Variants in NFYC observed in about 807,000 individuals in gnomAD.
NFYC encodes the protein nuclear transcription factor Y subunit gamma, also known as CAAT box DNA-binding protein subunit C.
A neutral mutation model predicts 53.1 loss-of-function variants in NFYC; 25 were observed. That is an observed-to-expected ratio of 0.47 (90% CI 0.34 to 0.66). The LOEUF is 0.66. Ranked by LOEUF, NFYC falls within the 30% of genes least tolerant of loss-of-function variation. The probability of loss-of-function intolerance (pLI) is 0.01; values close to 1 mark genes in which losing one functional copy is unlikely to be tolerated. For missense variants in NFYC, 260 were observed against 422.7 expected (o/e 0.62, Z 3.38); for synonymous variants, 145 against 152.6 (o/e 0.95, Z 0.37).
chr1:40,766,985 C>T (rs1474541849), intron 8 of NFYC: 2 of 1,551,482 alleles, frequency 1.3e-6, no homozygotes, highest in Non-Finnish European at 1.7e-6. Flanking sequence ...GTGTGCACAC[C>T]CATCAGACCT....
chr1:40,747,847 T>G (rs1397490461), intron 3 of NFYC, among the ~76,000 whole-genome samples: 1 of 151,838 alleles, frequency 6.6e-6, no homozygotes, highest in Non-Finnish European at 1.5e-5. Flanking sequence ...TTGGGTTTTT[T>G]TTTTTTTTTT....
intron 1 of NFYC, among the ~76,000 whole-genome samples, chr1:40,702,971 C>T (rs1643513323): frequency 6.6e-6 from 1 of 152,140 alleles, no homozygotes; most frequent in African/African-American, 2.4e-5. Flanking sequence ...CATGTACCAG[C>T]ACGCCCAGCT....
At chr1:40,734,969 C>T (rs1644949885) in intron 1 of NFYC, 1 of 152,128 alleles carries the variant, frequency 6.6e-6, no homozygotes, top group African/African-American at 2.4e-5. Context: ...AAGGCCATAA[C>T]TCTAAAACCT....
chr1:40,711,400 T>A (rs1259994948), intron 1 of NFYC, among the ~76,000 whole-genome samples: 2 of 152,214 alleles, frequency 1.3e-5, no homozygotes, highest in Non-Finnish European at 2.9e-5. Context: ...ATATATATGA[T>A]TTTAAAAACA....
chr1:40,710,064 A>G (rs911621633), intron 1 of NFYC, among the ~76,000 whole-genome samples: 1 of 152,206 alleles, frequency 6.6e-6, no homozygotes, highest in African/African-American at 2.4e-5. Flanking sequence ...TACGATTTGC[A>G]CTGCTGCAGG....
intron 1 of NFYC, among the ~76,000 whole-genome samples, chr1:40,699,986 G>A (rs747832805): frequency 1.2e-4 from 19 of 152,200 alleles, no homozygotes; most frequent in Non-Finnish European, 1.8e-4. Flanking sequence ...GTCATGGACC[G>A]CTGTTTGTGA....
At position 40,728,990 on chromosome 1, in the gene NFYC, A is replaced by G. The variant is rs139493247; in HGVS notation, c.-8-9846A>G. ...ATTGTTAGTGAGCAGTAATATTTTC[A>G]AAGGAATCTTTTTTTTCTGAGCAGT... On this transcript the variant is annotated intron_variant, in intron 1 of 9. Coordinates refer to ENST00000447388, the MANE Select transcript of NFYC (RefSeq NM_014223.5). Among the ~76,000 whole-genome samples the G allele has an allele frequency of 5.8e-4, 89 of 152,314 alleles. 1 individual carries two copies. The highest frequency in any genetic ancestry group is 2.0e-3 in the African/African-American group (85 of 41,580).
In NFYC at chr1:40,770,317, G is replaced by A. The variant is rs1647025303; in HGVS notation, c.889-392G>A. Reference sequence around the variant, plus strand: ...GGGGGTAATCCTACTGCCCCTGCCAGTGTAGATTACCAAGAGTTGGGGAAA... The same window carrying A: ...GGGGGTAATCCTACTGCCCCTGCCAATGTAGATTACCAAGAGTTGGGGAAA... On this transcript the variant is annotated intron_variant, in intron 9 of 9. Coordinates refer to ENST00000447388, the MANE Select transcript of NFYC (RefSeq NM_014223.5). The surrounding 1 kb of genome is among the most constrained non-coding windows in gnomAD (Gnocchi z 5.3). The A allele has an allele frequency of 7.4e-7, 1 of 1,347,826 alleles. No individual in the cohort carries two copies. Among genetic ancestry groups the A allele is most frequent in the Non-Finnish European group, 1.0e-6 (1 of 984,272 alleles). The allele number at this position is 1,347,826 out of a possible 1,614,324, so 83.5% of individuals were successfully genotyped here.
chr1:40,713,925 C>T (rs1644028561), intron 1 of NFYC, among the ~76,000 whole-genome samples: 1 of 152,190 alleles, frequency 6.6e-6, no homozygotes, highest in Non-Finnish European at 1.5e-5. Context: ...GTTAGAAAGT[C>T]TGCTGCAGCA....
At chr1:40,724,177 C>CGGTTGG (rs1157234057) in intron 1 of NFYC, among the ~76,000 whole-genome samples, 2 of 152,168 alleles carry the variant, frequency 1.3e-5, no homozygotes, top group African/African-American at 4.8e-5. Flanking sequence ...CAAGACCAAC[C>CGGTTGG]TGGTCAACAT....
chr1:40,734,559 C>G (rs1402766839), intron 1 of NFYC, among the ~76,000 whole-genome samples: 2 of 152,016 alleles, frequency 1.3e-5, no homozygotes, highest in Non-Finnish European at 2.9e-5. Flanking sequence ...TGAGGTTTCA[C>G]CATGTTGGCC....
At chr1:40,703,525 A>AT (rs921225621) in intron 1 of NFYC, among the ~76,000 whole-genome samples, 1 of 143,666 alleles carries the variant, frequency 7.0e-6, no homozygotes, top group African/African-American at 2.6e-5. Context: ...AGTTAACCAC[A>AT]TTTCCTACAT....
chr1:40,757,977 C>T, intron 5 of NFYC, 144 bp from the exon 6 acceptor site: 3 of 829,374 alleles, frequency 3.6e-6, no homozygotes, highest in East Asian at 5.3e-5. Flanking sequence ...CTTTGAATTC[C>T]ACTTTCCTTT....
At chr1:40,749,211 A>G (rs1007084760) in intron 3 of NFYC, among the ~76,000 whole-genome samples, 2 of 152,162 alleles carry the variant, frequency 1.3e-5, no homozygotes. Flanking sequence ...TTTCAAGCTC[A>G]TTCTCCTTCC....
Position 40,718,086 on chromosome 1 carries a change from A to G in NFYC, c.-8-20750A>G, listed in dbSNP as rs563850680. Among the ~76,000 whole-genome samples, 176 of 152,378 alleles carry G rather than the reference A, an allele frequency of 1.2e-3. 1 individual carries two copies. Among genetic ancestry groups the G allele is most frequent in the African/African-American group, 4.1e-3 (169 of 41,582 alleles). ...TTCCAGCCATTTTACCTCATTATTT[A>G]TAATCTAAACTCCATGATTATTTTC... On this transcript the variant is annotated intron_variant, in intron 1 of 9. Coordinates refer to ENST00000447388, the MANE Select transcript of NFYC (RefSeq NM_014223.5).
chr1:40,718,104 T>G (rs1182878953), intron 1 of NFYC, among the ~76,000 whole-genome samples: 2 of 152,256 alleles, frequency 1.3e-5, no homozygotes, highest in East Asian at 1.9e-4. Flanking sequence ...AACTCCATGA[T>G]TATTTTCCTC....
At chr1:40,750,468 T>C (rs1645851725) in intron 4 of NFYC, among the ~76,000 whole-genome samples, 1 of 152,212 alleles carries the variant, frequency 6.6e-6, no homozygotes, top group South Asian at 2.1e-4. Context: ...TTCTAGGCTC[T>C]GGGGATTAAC....
chr1:40,770,647 A>G lies in NFYC; in HGVS notation c.889-62A>G. ...GGGACCCCCAACCAGCTCGAGACCC[A>G]TAGGGAGCTGCATGCCCCTCTCCCA... On this transcript the variant is annotated intron_variant, in intron 9 of 9. Coordinates refer to ENST00000447388, the MANE Select transcript of NFYC (RefSeq NM_014223.5). The surrounding 1 kb of genome is among the most constrained non-coding windows in gnomAD (Gnocchi z 5.3). The G allele has an allele frequency of 1.2e-6, 2 of 1,614,070 alleles. No individual in the cohort carries two copies. The highest frequency in any genetic ancestry group is 1.7e-6 in the Non-Finnish European group (2 of 1,179,994).
In NFYC at chr1:40,758,454, GAGATGT is replaced by G. The variant is rs1646351402; in HGVS notation, c.561+161_561+166del. The G allele has an allele frequency of 2.7e-5, 21 of 764,592 alleles. No homozygotes were observed. The South Asian group carries it at 3.7e-4, about 13-fold the overall frequency. 47.4% of individuals were successfully genotyped at this position (764,592 alleles called of 1,614,324 possible). ...TTTCCCCAGATTCAGCTACTGGGGT[GAGATGT>G]TACCCTAATCTCTCTGGACCCTGTT... On this transcript the variant is annotated intron_variant, in intron 6 of 9. Transcript: ENST00000447388.
Sources: gnomAD v4.1 joint callset for allele counts (sites outside exome capture counted in the v4.1 genomes callset) on GRCh38, gnomAD v4.1.1 for gene constraint, Gnocchi (gnomAD v3.1) non-coding constraint, MANE v1.5 for transcripts, NCBI Gene and HGNC (gene_info 2026-07-23, HGNC 2026-07-21) for gene names.